RASGRP3: variants seen among roughly 807,000 people sequenced by gnomAD.
RASGRP3 encodes the protein RAS guanyl releasing protein 3.
Under a neutral mutation model 82.7 loss-of-function variants are expected in RASGRP3, and 54 were observed. The observed-to-expected ratio is 0.65, with a 90% CI of 0.52 to 0.82. RASGRP3 has a LOEUF of 0.82. Among genes scored for constraint, RASGRP3 ranks in the 40% least tolerant of loss-of-function variants. The pLI, the probability that RASGRP3 is intolerant of heterozygous loss-of-function variation, is 0.00. For synonymous variants in RASGRP3, 309 were observed against 300.5 expected (o/e 1.03, Z -0.29); for missense variants, 861 against 828.9 (o/e 1.04, Z -0.48).
intron 1 of RASGRP3, among the ~76,000 whole-genome samples, chr2:33,442,570 C>T (rs1432436845): frequency 6.6e-6 from 1 of 152,200 alleles, no homozygotes; most frequent in Non-Finnish European, 1.5e-5. Flanking sequence ...GCCTCTCCTC[C>T]AAGTAAAGGG....
At chr2:33,553,057 C>T (rs1325835310) in intron 14 of RASGRP3, among the ~76,000 whole-genome samples, 1 of 151,916 alleles carries the variant, frequency 6.6e-6, no homozygotes, top group Non-Finnish European at 1.5e-5. Context: ...GCAAACCTAC[C>T]TCCCCACCCC....
At chr2:33,558,129 G>T in intron 15 of RASGRP3, 82 bp from the exon 16 acceptor site, 1 of 1,525,916 alleles carries the variant, frequency 6.6e-7, no homozygotes, top group Non-Finnish European at 8.9e-7. Flanking sequence ...GGGAGGGGAG[G>T]GCTGACAAAT....
intron 17 of RASGRP3, among the ~76,000 whole-genome samples, chr2:33,561,060 TTTTC>T (rs1338631569): frequency 2.6e-5 from 4 of 152,130 alleles, no homozygotes; most frequent in East Asian, 1.9e-4. Flanking sequence ...TTCTTATCTC[TTTTC>T]TTTCTTTTTT....
intron 2 of RASGRP3, among the ~76,000 whole-genome samples, chr2:33,468,289 T>C (rs142901951): frequency 0.015 from 2,227 of 152,284 alleles, 54 homozygotes; most frequent in African/African-American, 0.05. Flanking sequence ...TTTCAGATTT[T>C]TAATATATTC....
chr2:33,526,789 A>G (rs1167533473), intron 9 of RASGRP3, among the ~76,000 whole-genome samples: 1 of 152,236 alleles, frequency 6.6e-6, no homozygotes, highest in African/African-American at 2.4e-5. Flanking sequence ...GGAACAAATA[A>G]CAATTTTAAT....
intron 1 of RASGRP3, among the ~76,000 whole-genome samples, chr2:33,501,650 A>C (rs1669888419): frequency 6.6e-6 from 1 of 152,178 alleles, no homozygotes; most frequent in Non-Finnish European, 1.5e-5. Flanking sequence ...CTTCCTCTGC[A>C]GTTTGCGTGT....
At position 33,558,870 on chromosome 2, in the gene RASGRP3, A is replaced by G; in HGVS notation, c.1904A>G (p.Lys635Arg). The change falls in exon 17 of 18, where the codon AAA (lysine) becomes AGA (arginine). Residue 635 changes from lysine to arginine, a missense_variant. Coordinates refer to ENST00000403687, the MANE Select transcript of RASGRP3 (RefSeq NM_001139488.2). ...WGDSGSHTFP[K>R]MKSKFHDKAA... Reference sequence around the variant, plus strand: ...GACTCGGGGTCCCACACCTTCCCTAAAATGAAATCCAAGTTCCATGACAAA... The same window carrying G: ...GACTCGGGGTCCCACACCTTCCCTAGAATGAAATCCAAGTTCCATGACAAA... 1 of 1,614,020 alleles carries G rather than the reference A, an allele frequency of 6.2e-7. No individual in the cohort carries two copies. Among genetic ancestry groups the G allele is most frequent in the Non-Finnish European group, 8.5e-7 (1 of 1,179,888 alleles).
At chr2:33,556,925 A>ACACG (rs1181828212) in intron 15 of RASGRP3, among the ~76,000 whole-genome samples, 21 of 147,020 alleles carry the variant, frequency 1.4e-4, no homozygotes, top group South Asian at 1.1e-3. Context: ...ACACACACAC[A>ACACG]CACGCAATTT....
At chr2:33,529,487 C>CAAAAAAAAAAA (rs56664748) in intron 10 of RASGRP3, among the ~76,000 whole-genome samples, 4 of 57,042 alleles carry the variant, frequency 7.0e-5, no homozygotes, top group Admixed American at 2.4e-4. Context: ...GACTCCATCT[C>CAAAAAAAAAAA]AAAAAAAAAA....
In RASGRP3 at chr2:33,501,326, T is replaced by C. The variant is rs546014465; in HGVS notation, c.-260-10384T>C. On this transcript the variant is annotated intron_variant, in intron 1 of 17. Coordinates refer to ENST00000403687, the MANE Select transcript of RASGRP3 (RefSeq NM_001139488.2). The stretch of plus-strand genomic sequence containing the variant: ...TTCATTTTGTTTATCCATTTGTCGA[T>C]TGATAGACATTTGGGTTGTTTTCAC... Among the ~76,000 whole-genome samples, 9 of 152,348 alleles carry C rather than the reference T, an allele frequency of 5.9e-5. 1 individual carries two copies. The South Asian group carries it at 1.9e-3, about 32-fold the overall frequency.
chr2:33,538,259 TTG>T (rs1160302610), intron 11 of RASGRP3, among the ~76,000 whole-genome samples: 1 of 152,172 alleles, frequency 6.6e-6, no homozygotes, highest in Non-Finnish European at 1.5e-5. Flanking sequence ...TCCCAGCACT[TTG>T]GGAGGCCAAG....
At position 33,564,148 on chromosome 2, in the gene RASGRP3, G is replaced by A. The variant is rs1676996735; in HGVS notation, c.*1411G>A. The A allele has an allele frequency of 6.6e-6, 1 of 152,188 alleles. No individual in the cohort carries two copies. The highest frequency in any genetic ancestry group is 2.4e-5 in the African/African-American group (1 of 41,428). The allele number at this position is 152,188 out of a possible 1,614,324, so 9.4% of individuals were successfully genotyped here. ...TGCTCAGCAAAATTGTTGAGTACCT[G>A]TTCTGGGCAGGTCCCACGCTATATG... On this transcript the variant is annotated 3_prime_UTR_variant, in exon 18 of 18. Coordinates refer to ENST00000403687, the MANE Select transcript of RASGRP3 (RefSeq NM_001139488.2).
intron 1 of RASGRP3, among the ~76,000 whole-genome samples, chr2:33,442,364 GA>G (rs1462934087): frequency 3.9e-5 from 6 of 151,966 alleles, no homozygotes; most frequent in African/African-American, 1.4e-4. Flanking sequence ...ACTACGTCTC[GA>G]AAAAAAATTT....
chr2:33,548,192 T>A (rs1674994569), intron 13 of RASGRP3, among the ~76,000 whole-genome samples: 1 of 151,558 alleles, frequency 6.6e-6, no homozygotes, highest in South Asian at 2.1e-4. Flanking sequence ...AAACCCCGTC[T>A]CTACTAAAAA....
At position 33,534,365 on chromosome 2, in the gene RASGRP3, C is replaced by T; in HGVS notation, c.1126C>T (p.Leu376=). ...TCACACTGAAGATGATATTTACAAA[C>T]TGTCACTGGTGCTGGAGCCTAGAAA... The part of the protein sequence containing the change: ...LYHTEDDIYK[L]SLVLEPRNSK... Residue 376 remains leucine, a synonymous_variant, in exon 11 of 18, where the codon CTG becomes TTG. Coordinates refer to ENST00000403687, the MANE Select transcript of RASGRP3 (RefSeq NM_001139488.2). 2 of 1,582,068 alleles carry T rather than the reference C, an allele frequency of 1.3e-6. No homozygotes were observed. Among genetic ancestry groups the T allele is most frequent in the South Asian group, 1.1e-5 (1 of 89,546 alleles).
At chr2:33,458,214 T>A (rs1290346815) in intron 2 of RASGRP3, 1 of 152,262 alleles carries the variant, frequency 6.6e-6, no homozygotes, top group Non-Finnish European at 1.5e-5. Flanking sequence ...TTTGGTTGGT[T>A]GAATGCCATT....
intron 2 of RASGRP3, among the ~76,000 whole-genome samples, chr2:33,513,212 G>A (rs1014732796): frequency 2.0e-5 from 3 of 152,136 alleles, no homozygotes; most frequent in Non-Finnish European, 2.9e-5. Context: ...TCTAAGAGTG[G>A]TACCTTCAGC....
chr2:33,448,530 G>GA (rs1298482717), intron 2 of RASGRP3, among the ~76,000 whole-genome samples: 1 of 152,058 alleles, frequency 6.6e-6, no homozygotes, highest in Admixed American at 6.6e-5. Context: ...AATGTACCTT[G>GA]AAAACATCAT....
rs1553364878 is a variant in RASGRP3 at position 33,552,027 on chromosome 2, A to AAACAAAC, written c.1542+2276_1542+2277insAACAAAC. On this transcript the variant is annotated intron_variant, in intron 14 of 17. Transcript: ENST00000403687. Reference sequence around the variant, plus strand: ...CAAACAAACAAACAAACAAACAAACAGAGAAACAAACTCAAGATCTTATCT... The same window carrying AAACAAAC: ...CAAACAAACAAACAAACAAACAAACAAACAAACGAGAAACAAACTCAAGATCTTATCT... 8.0e-3 allele frequency among the ~76,000 whole-genome samples: 516 copies of AAACAAAC among 64,226 alleles called. 2 individuals carry two copies. The highest frequency in any genetic ancestry group is 0.031 in the African/African-American group (494 of 15,906). The allele number at this position is 64,226 out of a possible 152,430, so 42.1% of individuals were successfully genotyped here. A position where few individuals can be genotyped will look rare whatever the true frequency, so the allele number is the denominator to read the frequency against.
Sources: allele counts gnomAD v4.1 joint callset (sites outside exome capture counted in the v4.1 genomes callset), GRCh38; gene constraint gnomAD v4.1.1; transcripts MANE v1.5; gene names NCBI Gene and HGNC (gene_info 2026-07-23, HGNC 2026-07-21).